ALS2: variants seen among roughly 807,000 people sequenced by gnomAD.
The protein encoded by ALS2 is alsin.
Under a neutral mutation model 203.4 loss-of-function variants are expected in ALS2, and 117 were observed. The observed-to-expected ratio is 0.58, with a 90% CI of 0.50 to 0.67. The LOEUF is 0.67. Ranked by LOEUF, ALS2 falls within the 30% of genes least tolerant of loss-of-function variation. The probability of loss-of-function intolerance (pLI) is 0.00; values close to 1 mark genes in which losing one functional copy is unlikely to be tolerated. For synonymous variants in ALS2, 718 were observed against 725.9 expected, an observed-to-expected ratio of 0.99 and a Z score of 0.17; for missense variants, 1,715 against 1,989.4, an observed-to-expected ratio of 0.86 and a Z score of 2.62.
intron 12 of ALS2, among the ~76,000 whole-genome samples, chr2:201,735,967 T>G (rs1691852037): frequency 6.6e-6 from 1 of 152,230 alleles, no homozygotes; most frequent in Admixed American, 6.5e-5. Context: ...AATTATTGGT[T>G]TGGCTACAGC....
chr2:201,748,078 T>C (rs1018878432), intron 8 of ALS2, among the ~76,000 whole-genome samples: 2 of 152,174 alleles, frequency 1.3e-5, no homozygotes, highest in African/African-American at 4.8e-5. Flanking sequence ...ATACACTCTC[T>C]AATCTGTTAG....
chr2:201,711,106 G>C lies in ALS2; in HGVS notation c.4007C>G (p.Pro1336Arg). The change falls in exon 26 of 34, where the codon CCA (proline) becomes CGA (arginine). Residue 1336 changes from proline (P) to arginine (R), a missense_variant and splice_region_variant. This residue lies in a region of ALS2 where 1,227 missense variants were observed against 1,413.5 expected (regional missense o/e 0.87). Transcript: ENST00000264276. ...TTSRRQHRDS[P>R]EILSRSQTQT... ...AGTCTGTGAACGACTCAGTATTTCT[G>C]GACTATAAAAAGGGAAAGAAAAGTC... is the stretch of plus-strand genomic sequence containing the variant. The C allele has an allele frequency of 6.4e-7, 1 of 1,563,654 alleles. No homozygotes were observed. The highest frequency in any genetic ancestry group is 8.8e-7 in the Non-Finnish European group (1 of 1,134,874).
intron 7 of ALS2, among the ~76,000 whole-genome samples, chr2:201,751,467 A>G (rs1436343608): frequency 6.6e-6 from 1 of 152,160 alleles, no homozygotes; most frequent in Non-Finnish European, 1.5e-5. Flanking sequence ...CTTTTCATTT[A>G]TTGCTGGCCA....
At chr2:201,711,162 C>G in intron 25 of ALS2, 54 bp from the exon 26 acceptor site, 2 of 1,094,046 alleles carry the variant, frequency 1.8e-6, no homozygotes, top group Non-Finnish European at 2.8e-6. Flanking sequence ...AAGCAAGATA[C>G]GTGTAAATAC....
intron 11 of ALS2, 106 bp downstream of exon 11, chr2:201,741,568 T>C: frequency 8.3e-7 from 1 of 1,202,778 alleles, no homozygotes; most frequent in Non-Finnish European, 1.2e-6. Context: ...CAATTTCTAT[T>C]ACCTTATATC....
chr2:201,777,048 A>G (rs2106118980), intron 1 of ALS2, among the ~76,000 whole-genome samples: 1 of 152,332 alleles, frequency 6.6e-6, no homozygotes. Flanking sequence ...ACTACGTTGT[A>G]ATAAAATGTA....
rs1691202775 is a variant in ALS2 at position 201,726,862 on chromosome 2, T to C, written c.2984A>G (p.Lys995Arg). ...GGCTTGGCTTATAGCTCGTAGCCAC[T>C]TTGTCTAGGAGCAAAAAGTAACGTC... The part of the protein sequence containing the change: ...LISSTPQEKT[K>R]WLRAISQAVD... The change falls in exon 18 of 34, where the codon AAG becomes AGG. Residue 995 changes from lysine (K) to arginine (R), a missense_variant. Lys to Arg is a conservative substitution (Grantham distance 26). This residue lies in a region of ALS2 where 1,227 missense variants were observed against 1,413.5 expected (regional missense o/e 0.87). Transcript: ENST00000264276. 2.5e-6 allele frequency: 4 copies of C among 1,613,820 alleles called. No homozygotes were observed. The highest frequency in any genetic ancestry group is 3.3e-5 in the Admixed American group (2 of 60,000).
At chr2:201,767,178 G>A (rs1249747296) in intron 3 of ALS2, 51 bp downstream of exon 3, 1 of 1,611,502 alleles carries the variant, frequency 6.2e-7, no homozygotes. Flanking sequence ...TCCACACTCA[G>A]GCATTTGTTA....
At chr2:201,763,938 T>A (rs980644258) in intron 3 of ALS2, among the ~76,000 whole-genome samples, 1 of 152,210 alleles carries the variant, frequency 6.6e-6, no homozygotes, top group South Asian at 2.1e-4. Flanking sequence ...TTTTAATTAA[T>A]GAAGAAATAA....
intron 4 of ALS2, chr2:201,760,658 A>G: frequency 7.4e-7 from 1 of 1,350,732 alleles, no homozygotes; most frequent in Non-Finnish European, 9.5e-7. Flanking sequence ...CAAGCCCAAC[A>G]TGACACCTTT....
intron 23 of ALS2, among the ~76,000 whole-genome samples, chr2:201,720,745 A>G (rs1690737593): frequency 6.6e-6 from 1 of 151,900 alleles, no homozygotes; most frequent in Admixed American, 6.6e-5. Flanking sequence ...ACAAACACAC[A>G]CACACAAAGC....
Position 201,711,076 on chromosome 2 carries a change from G to A in ALS2, c.4037C>T (p.Thr1346Ile). ...PEILSRSQTQ[T>I]LESLEFIPQH... ...TGGAATGAATTCCAAACTCTCTAGTGTCTGAGTCTGTGAACGACTCAGTAT... is the reference window on the plus strand; with the variant it reads ...TGGAATGAATTCCAAACTCTCTAGTATCTGAGTCTGTGAACGACTCAGTAT... Residue 1346 changes from threonine to isoleucine, a missense_variant, in exon 26 of 34, where the codon ACA becomes ATA. Physicochemically the swap from Thr to Ile is moderately conservative, Grantham distance 89. Transcript: ENST00000264276. 1.2e-6 allele frequency: 2 copies of A among 1,611,184 alleles called. No homozygotes were observed. The highest frequency in any genetic ancestry group is 1.1e-5 in the South Asian group (1 of 90,994).
intron 26 of ALS2, 83 bp from the exon 27 acceptor site, chr2:201,710,121 T>C: frequency 6.7e-7 from 1 of 1,493,072 alleles, no homozygotes; most frequent in East Asian, 2.3e-5. Flanking sequence ...ACTTCATAAA[T>C]GACACACAAT....
intron 12 of ALS2, among the ~76,000 whole-genome samples, chr2:201,735,458 T>C (rs1010644097): frequency 1.1e-4 from 16 of 152,212 alleles, no homozygotes; most frequent in African/African-American, 3.9e-4. Flanking sequence ...GAGTGATCAA[T>C]TAGATGAATG....
chr2:201,705,617 A>G (rs1209708924), intron 29 of ALS2, among the ~76,000 whole-genome samples, 156 bp from the exon 30 acceptor site: 1 of 152,222 alleles, frequency 6.6e-6, no homozygotes, highest in African/African-American at 2.4e-5. Flanking sequence ...GAAGTGATTT[A>G]AGAGTTTTTA....
rs777171926 is a variant in ALS2 at position 201,705,161 on chromosome 2, C to T, written c.4666G>A (p.Val1556Ile). 26 of 1,614,004 alleles carry T rather than the reference C, an allele frequency of 1.6e-5. No homozygotes were observed. The highest frequency in any genetic ancestry group is 2.1e-5 in the Non-Finnish European group (25 of 1,180,010). Residue 1556 changes from valine (V) to isoleucine (I), a missense_variant, in exon 31 of 34, where the codon GTA (valine) becomes ATA (isoleucine). By Grantham distance (29) the Val-to-Ile change is conservative (BLOSUM62 3). Transcript: ENST00000264276. ...TTKDACFASA[V>I]ECLQQISTTF... ...TACCTGATCTGCTGCAGACATTCTA[C>T]TGCTGAGGCAAAACAAGCATCTTTC...
chr2:201,768,719 T>C, intron 2 of ALS2, 147 bp downstream of exon 2: 1 of 707,700 alleles, frequency 1.4e-6, no homozygotes, highest in Non-Finnish European at 2.3e-6. Flanking sequence ...TAAAATTTTA[T>C]CTTTACCAAC....
At chr2:201,760,271 A>T in intron 4 of ALS2, 1 of 902,272 alleles carries the variant, frequency 1.1e-6, no homozygotes. Flanking sequence ...CAATCGCATT[A>T]CTGCACTCCA....
chr2:201,725,037 T>TG (rs1049917703), intron 20 of ALS2, among the ~76,000 whole-genome samples: 13 of 149,136 alleles, frequency 8.7e-5, no homozygotes, highest in Non-Finnish European at 1.5e-4. Flanking sequence ...GGCATGAACC[T>TG]GGGAGGCAGA....
Sources: gnomAD v4.1 joint callset for allele counts (sites outside exome capture counted in the v4.1 genomes callset) on GRCh38, gnomAD v4.1.1 for gene constraint, gnomAD v4.1.1 regional missense constraint, MANE v1.5 for transcripts, NCBI Gene and HGNC (gene_info 2026-07-23, HGNC 2026-07-21) for gene names.